The following PTER variants were observed in gnomAD, a reference collection of about 807,000 sequenced individuals.
PTER encodes N-acetyltaurine hydrolase.
Under a neutral mutation model 29.6 loss-of-function variants are expected in PTER, and 38 were observed. The observed-to-expected ratio is 1.28, with a 90% CI of 0.99 to 1.68. PTER has a LOEUF of 1.68. Among genes scored for constraint, PTER ranks in the 40% most tolerant of loss-of-function variants. PTER has a pLI of 0.00. For synonymous variants in PTER, 172 were observed against 154.5 expected, an observed-to-expected ratio of 1.11 and a Z score of -0.84; for missense variants, 482 against 427.8, an observed-to-expected ratio of 1.13 and a Z score of -1.12.
chr10:16,485,392 C>T (rs901940204), intron 2 of PTER, among the ~76,000 whole-genome samples: 12 of 152,042 alleles, frequency 7.9e-5, no homozygotes, highest in Non-Finnish European at 1.5e-4. Context: ...TGTTTAGGGA[C>T]AAAAAGAATA....
At chr10:16,502,543 A>T (rs529220324) in intron 3 of PTER, among the ~76,000 whole-genome samples, 1 of 152,260 alleles carries the variant, frequency 6.6e-6, no homozygotes, top group Admixed American at 6.5e-5. Flanking sequence ...ACTCTAAGTT[A>T]TGCTAATTTG....
At chr10:16,462,462 A>T (rs1055885162) in intron 1 of PTER, among the ~76,000 whole-genome samples, 7 of 151,936 alleles carry the variant, frequency 4.6e-5, no homozygotes, top group African/African-American at 1.7e-4. Flanking sequence ...GGGTTTGTTT[A>T]TAGCAGTATC....
At chr10:16,495,869 A>G (rs923143652) in intron 3 of PTER, among the ~76,000 whole-genome samples, 2 of 152,252 alleles carry the variant, frequency 1.3e-5, no homozygotes, top group Non-Finnish European at 2.9e-5. Context: ...GTGCAGTGAC[A>G]TTAATACGTG....
chr10:16,500,830 T>A (rs918950074), intron 3 of PTER, among the ~76,000 whole-genome samples: 7 of 152,124 alleles, frequency 4.6e-5, no homozygotes, highest in African/African-American at 1.7e-4. Context: ...AGCCTTGAAC[T>A]CTTGGGCTCA....
At chr10:16,444,732 A>G (rs1402146115) in intron 1 of PTER, among the ~76,000 whole-genome samples, 1 of 152,160 alleles carries the variant, frequency 6.6e-6, no homozygotes, top group Non-Finnish European at 1.5e-5. Context: ...GGGGAATGTG[A>G]AGGCACAGAA....
At chr10:16,470,829 T>C (rs1294317965) in intron 1 of PTER, among the ~76,000 whole-genome samples, 1 of 152,196 alleles carries the variant, frequency 6.6e-6, no homozygotes, top group Non-Finnish European at 1.5e-5. Context: ...TTTCTATGGT[T>C]CTATTTTTAT....
intron 1 of PTER, among the ~76,000 whole-genome samples, chr10:16,450,815 A>G (rs118037237): frequency 1.3e-5 from 2 of 152,300 alleles, no homozygotes; most frequent in East Asian, 3.9e-4. Flanking sequence ...GGTTCTCCAC[A>G]TATGGTCAAA....
chr10:16,514,452 G>C, downstream of PTER: 1 of 1,307,642 alleles, frequency 7.6e-7, no homozygotes, highest in South Asian at 1.3e-5. Context: ...GCATCCCCTG[G>C]GATCCTTGAT....
intron 2 of PTER, among the ~76,000 whole-genome samples, chr10:16,485,138 C>G (rs1019107685): frequency 6.6e-6 from 1 of 152,166 alleles, no homozygotes. Context: ...AGTATTGGCA[C>G]CACAGTCTAT....
At chr10:16,487,920 G>A (rs1835763095) in intron 3 of PTER, among the ~76,000 whole-genome samples, 1 of 152,034 alleles carries the variant, frequency 6.6e-6, no homozygotes, top group Admixed American at 6.6e-5. Flanking sequence ...CTCCTTATGA[G>A]GCTGCAGTGA....
At chr10:16,502,310 A>G (rs543385106) in intron 3 of PTER, among the ~76,000 whole-genome samples, 143 of 152,168 alleles carry the variant, frequency 9.4e-4, no homozygotes, top group Non-Finnish European at 1.1e-3. Flanking sequence ...TTAATTGTGT[A>G]TATTTTGTTT....
At chr10:16,489,418 T>C (rs1198962971) in intron 3 of PTER, among the ~76,000 whole-genome samples, 2 of 152,188 alleles carry the variant, frequency 1.3e-5, no homozygotes, top group Admixed American at 6.5e-5. Flanking sequence ...TACTCTGATA[T>C]AGTTTACTAG....
rs949345603 is a variant in PTER at position 16,511,313 on chromosome 10, A to T, written c.*57A>T. ...TAAAACTTGCAGAGAACATTCAGCGATTTCCAGTCCACTGTGAGATATTAA... is the reference window on the plus strand; with the variant it reads ...TAAAACTTGCAGAGAACATTCAGCGTTTTCCAGTCCACTGTGAGATATTAA... On this transcript the variant is annotated 3_prime_UTR_variant, in exon 5 of 5. Coordinates refer to ENST00000535784, the MANE Select transcript of PTER (RefSeq NM_001261836.2). The T allele has an allele frequency of 2.8e-6, 4 of 1,446,160 alleles. No individual in the cohort carries two copies. In the African/African-American group the frequency reaches 5.6e-5, roughly 20 times the overall value. 89.6% of individuals were successfully genotyped at this position (1,446,160 alleles called of 1,614,324 possible).
chr10:16,516,710 C>T (rs1836956957), downstream of PTER, among the ~76,000 whole-genome samples: 1 of 152,126 alleles, frequency 6.6e-6, no homozygotes, highest in South Asian at 2.1e-4. Flanking sequence ...CATTTTTATT[C>T]TCCAGGGTGT....
At chr10:16,499,427 A>T (rs893712412) in intron 3 of PTER, among the ~76,000 whole-genome samples, 7 of 148,162 alleles carry the variant, frequency 4.7e-5, no homozygotes, top group African/African-American at 1.5e-4. Flanking sequence ...TAATTTAATT[A>T]TTTTATTTAT....
At position 16,513,047 on chromosome 10, in the gene PTER, A is replaced by G. The variant is rs940847743; in HGVS notation, c.*1791A>G. The G allele has an allele frequency of 6.6e-6, 1 of 152,468 alleles. No homozygotes were observed. The highest frequency in any genetic ancestry group is 1.9e-4 in the East Asian group (1 of 5,200). The allele number at this position is 152,468 out of a possible 1,614,324, so 9.4% of individuals were successfully genotyped here. ...TAGCTCAAATGCATGTAATTCATAA[A>G]CACTGCAAAGGAGAGCCACTTGGTG... On this transcript the variant is annotated 3_prime_UTR_variant, in exon 5 of 5. Coordinates refer to ENST00000535784, the MANE Select transcript of PTER (RefSeq NM_001261836.2).
rs535815644 is a variant in PTER, at chr10:16,511,045, G to C, written c.840-1G>C. ...ATCTAATGAGTTAACATTTTTCACAGGGTGCGTCTCCTGGTGGAAGAGGGC... is the reference window on the plus strand; with the variant it reads ...ATCTAATGAGTTAACATTTTTCACACGGTGCGTCTCCTGGTGGAAGAGGGC... On this transcript the variant is annotated splice_acceptor_variant, in intron 4 of 4. Coordinates refer to ENST00000535784, the MANE Select transcript of PTER (RefSeq NM_001261836.2). LOFTEE classifies it high-confidence loss of function. 22 of 1,610,920 alleles carry C rather than the reference G, an allele frequency of 1.4e-5. No homozygotes were observed. The highest frequency in any genetic ancestry group is 1.6e-5 in the Non-Finnish European group (19 of 1,178,404).
Position 16,480,755 on chromosome 10 carries a change from A to C in PTER, c.-48-3582A>C, listed in dbSNP as rs941945082. Among the ~76,000 whole-genome samples the C allele has an allele frequency of 5.9e-5, 9 of 152,354 alleles. No homozygotes were observed. The South Asian group carries it at 1.0e-3, about 18-fold the overall frequency. On this transcript the variant is annotated intron_variant, in intron 1 of 4. Transcript: ENST00000535784. ...TTAAGTATAATGGCCAGGGTGAAAT[A>C]GCTGTGAGGAACTCTCAGTGAAACT...
At chr10:16,459,938 G>A (rs991545270) in intron 1 of PTER, among the ~76,000 whole-genome samples, 1 of 151,966 alleles carries the variant, frequency 6.6e-6, no homozygotes, top group African/African-American at 2.4e-5. Flanking sequence ...GTAGGGATGG[G>A]GTTTTTTCCA....
Sources: gnomAD v4.1 joint callset for allele counts (sites outside exome capture counted in the v4.1 genomes callset) on GRCh38, gnomAD v4.1.1 for gene constraint, MANE v1.5 for transcripts, NCBI Gene and HGNC (gene_info 2026-07-23, HGNC 2026-07-21) for gene names.